Variants in LRMDA observed in about 807,000 individuals in gnomAD.
The protein encoded by LRMDA is leucine rich melanocyte differentiation associated, also known as leucine-rich melanocyte differentiation-associated protein.
In LRMDA, 18 loss-of-function variants were observed where a neutral mutation model predicts 29.8. The observed-to-expected ratio is 0.60, with a 90% CI of 0.42 to 0.90. The LOEUF is 0.90. Among genes scored for constraint, LRMDA ranks in the 40% least tolerant of loss-of-function variants. The pLI is 0.00. For missense variants in LRMDA, 273 were observed against 273.9 expected (o/e 1.00, Z 0.02); for synonymous variants, 125 against 109.4 (o/e 1.14, Z -0.89).
intron 5 of LRMDA, among the ~76,000 whole-genome samples, chr10:76,164,935 T>A (rs1369141644): frequency 1.3e-5 from 2 of 152,164 alleles, no homozygotes; most frequent in East Asian, 3.8e-4. Flanking sequence ...TGAGACTACG[T>A]AATTTATAAA....
At chr10:76,257,270 G>C (rs1037249709) in intron 5 of LRMDA, among the ~76,000 whole-genome samples, 1 of 151,654 alleles carries the variant, frequency 6.6e-6, no homozygotes, top group African/African-American at 2.4e-5. Context: ...ATGGAGGAAG[G>C]GGTATTAATA....
At chr10:75,537,300 C>T (rs977536495) in intron 2 of LRMDA, among the ~76,000 whole-genome samples, 4 of 152,274 alleles carry the variant, frequency 2.6e-5, no homozygotes, top group African/African-American at 9.6e-5. Context: ...TCTGGCTCAG[C>T]CCCTGAGAAT....
chr10:75,481,834 T>C (rs1351479128), intron 2 of LRMDA, among the ~76,000 whole-genome samples: 1 of 152,180 alleles, frequency 6.6e-6, no homozygotes, highest in African/African-American at 2.4e-5. Flanking sequence ...CATGTCTCCT[T>C]TTCCCATGGG....
At chr10:75,433,741 T>G (rs981549316) in intron 1 of LRMDA, among the ~76,000 whole-genome samples, 2 of 152,142 alleles carry the variant, frequency 1.3e-5, no homozygotes, top group African/African-American at 2.4e-5. Flanking sequence ...ATAGTTTTTA[T>G]TACAATGTTA....
chr10:75,585,806 T>C (rs1387142763), intron 2 of LRMDA, among the ~76,000 whole-genome samples: 3 of 152,252 alleles, frequency 2.0e-5, no homozygotes, highest in Admixed American at 2.0e-4. Context: ...TGAAACTTTA[T>C]GCCCATTGAT....
intron 2 of LRMDA, among the ~76,000 whole-genome samples, chr10:75,495,837 C>T (rs547568930): frequency 6.6e-6 from 1 of 152,296 alleles, no homozygotes; most frequent in African/African-American, 2.4e-5. Flanking sequence ...GTTGCAAACC[C>T]AGGTGGTGCT....
chr10:75,978,532 TC>T (rs1390140750), intron 2 of LRMDA, among the ~76,000 whole-genome samples: 1 of 152,124 alleles, frequency 6.6e-6, no homozygotes, highest in Non-Finnish European at 1.5e-5. Flanking sequence ...GAAAATGGAA[TC>T]GTTTAGCTTG....
intron 2 of LRMDA, among the ~76,000 whole-genome samples, chr10:75,563,439 T>G (rs1167057423): frequency 6.6e-6 from 1 of 152,132 alleles, no homozygotes; most frequent in African/African-American, 2.4e-5. Flanking sequence ...GTCTAAATTT[T>G]TTTCAAAGTT....
chr10:75,993,773 G>A (rs895531124), intron 2 of LRMDA, among the ~76,000 whole-genome samples: 2 of 151,966 alleles, frequency 1.3e-5, no homozygotes, highest in Admixed American at 1.3e-4. Context: ...ATTCCCTCAG[G>A]GTCATATTAT....
At chr10:75,779,478 C>A (rs1843353319) in intron 2 of LRMDA, among the ~76,000 whole-genome samples, 1 of 152,182 alleles carries the variant, frequency 6.6e-6, no homozygotes, top group African/African-American at 2.4e-5. Context: ...CCTAAAAGGG[C>A]TTTTGAGCAG....
At chr10:76,283,626 T>C (rs1008521744) in intron 5 of LRMDA, among the ~76,000 whole-genome samples, 2 of 152,212 alleles carry the variant, frequency 1.3e-5, no homozygotes, top group African/African-American at 4.8e-5. Context: ...AAGAGTGCTA[T>C]ATAGGTATTA....
intron 2 of LRMDA, among the ~76,000 whole-genome samples, chr10:75,765,013 T>A (rs1467672860): frequency 6.6e-6 from 1 of 151,858 alleles, no homozygotes; most frequent in Non-Finnish European, 1.5e-5. Flanking sequence ...TTTAGTTTAA[T>A]AATGTGACCT....
intron 2 of LRMDA, among the ~76,000 whole-genome samples, chr10:75,564,979 A>G (rs184613017): frequency 6.6e-6 from 1 of 152,304 alleles, no homozygotes; most frequent in East Asian, 1.9e-4. Flanking sequence ...TCCATTTAGG[A>G]TCATGTGGTC....
chr10:76,037,711 C>T (rs1848275525), intron 3 of LRMDA, among the ~76,000 whole-genome samples: 1 of 152,150 alleles, frequency 6.6e-6, no homozygotes, highest in African/African-American at 2.4e-5. Context: ...TCAAGTCTCT[C>T]CTTATAGGGG....
chr10:76,407,486 A>G (rs74148470), intron 6 of LRMDA, among the ~76,000 whole-genome samples: 2,158 of 152,326 alleles, frequency 0.014, 50 homozygotes, highest in African/African-American at 0.049. Context: ...ATCCAATGCA[A>G]GAATAACTTC....
At chr10:76,227,086 C>G (rs186709432) in intron 5 of LRMDA, among the ~76,000 whole-genome samples, 47 of 152,240 alleles carry the variant, frequency 3.1e-4, no homozygotes, top group African/African-American at 1.1e-3. Context: ...GGAGTGAATT[C>G]CCCATGCCTG....
intron 2 of LRMDA, among the ~76,000 whole-genome samples, chr10:75,969,260 A>C (rs1441503450): frequency 2.6e-5 from 4 of 152,190 alleles, no homozygotes; most frequent in African/African-American, 9.7e-5. Flanking sequence ...TTTGAGTCTA[A>C]AGTCTGTTTT....
At chr10:76,132,357 G>A (rs1189358350) in intron 5 of LRMDA, among the ~76,000 whole-genome samples, 1 of 152,064 alleles carries the variant, frequency 6.6e-6, no homozygotes, top group Admixed American at 6.5e-5. Context: ...TATTAGGATC[G>A]AGTCTTCTTA....
In LRMDA at chr10:76,520,723, T is replaced by G. The variant is rs186708823; in HGVS notation, c.602-36486T>G. 1.5e-3 allele frequency among the ~76,000 whole-genome samples: 235 copies of G among 152,240 alleles called. 1 individual carries two copies. Among genetic ancestry groups the G allele is most frequent in the African/African-American group, 5.5e-3 (229 of 41,570 alleles). On this transcript the variant is annotated intron_variant, in intron 6 of 6. Transcript: ENST00000611255. ...CATCAACTCCAGCCAGACAAATCTC[T>G]TCATTATTCCTGCTTCAGGCCATGC...
Sources: gnomAD v4.1 joint callset for allele counts (sites outside exome capture counted in the v4.1 genomes callset) on GRCh38, gnomAD v4.1.1 for gene constraint, MANE v1.5 for transcripts, NCBI Gene and HGNC (gene_info 2026-07-23, HGNC 2026-07-21) for gene names.